The following ZNF157 variants were observed in gnomAD, a reference collection of about 807,000 sequenced individuals.
The protein encoded by ZNF157 is zinc finger protein 157, also known as zinc finger protein 22.
Under a neutral mutation model 9.4 loss-of-function variants are expected in ZNF157, and 8 were observed. The ratio of observed to expected loss-of-function variants is 0.85; its 90% CI spans 0.50 to 1.53. ZNF157 has a LOEUF of 1.53. Ranked by LOEUF, ZNF157 falls within the 40% of genes most tolerant of loss-of-function variation. The pLI is 0.00. For synonymous variants in ZNF157, 120 were observed against 130.8 expected (o/e 0.92, Z 0.56); for missense variants, 316 against 385.2 (o/e 0.82, Z 1.50).
At chrX:47,410,528 C>A in intron 2 of ZNF157, 126 bp downstream of exon 2, 1 of 995,204 alleles carries the variant, frequency 1.0e-6, no homozygotes, top group Non-Finnish European at 1.4e-6. Context: ...TTTAGGGCAC[C>A]AGAAAAAATG....
intron 1 of ZNF157, among the ~76,000 whole-genome samples, chrX:47,376,322 G>A (rs969970452): frequency 1.8e-5 from 2 of 112,232 alleles, no homozygotes; most frequent in Admixed American, 1.9e-4. Flanking sequence ...AACTTTATAA[G>A]AAACTGCCCA....
chrX:47,371,131 A>G (rs1313748842), intron 1 of ZNF157, among the ~76,000 whole-genome samples: 1 of 111,228 alleles, frequency 9.0e-6, no homozygotes, highest in Non-Finnish European at 1.9e-5. Flanking sequence ...TGCGGCCAGG[A>G]GTTTGAGACC....
At chrX:47,370,785 T>G (rs765423248) in intron 1 of ZNF157, 45 bp downstream of exon 1, 70 of 1,006,393 alleles carry the variant, frequency 7.0e-5, no homozygotes, top group Non-Finnish European at 8.0e-5. Context: ...CTTTATTTTT[T>G]TATTTATTTT....
intron 1 of ZNF157, among the ~76,000 whole-genome samples, chrX:47,378,557 C>T (rs1156715978): frequency 8.9e-6 from 1 of 112,193 alleles, no homozygotes; most frequent in African/African-American, 3.2e-5. Context: ...CCAAGTTCCT[C>T]TCACGCTGGG....
chrX:47,413,510 C>T lies in ZNF157; in HGVS notation c.1437C>T (p.Phe479=), dbSNP rs1246452548. Reference sequence around the variant, plus strand: ...AGTGTCAAGAATGTGGGAAAGCTTTCTGCCGGAAAGCACACCTCACAGAAC... The same window carrying T: ...AGTGTCAAGAATGTGGGAAAGCTTTTTGCCGGAAAGCACACCTCACAGAAC... ...PFECQECGKA[F]CRKAHLTEHQ... The change falls in exon 4 of 4, where the codon TTC becomes TTT. Residue 479 remains phenylalanine, a synonymous_variant. Transcript: ENST00000377073. The T allele has an allele frequency of 8.3e-7, 1 of 1,211,944 alleles. No homozygotes were observed. The highest frequency in any genetic ancestry group is 1.1e-6 in the Non-Finnish European group (1 of 895,572).
chrX:47,391,884 C>CT (rs1481409108), intron 1 of ZNF157, among the ~76,000 whole-genome samples: 79 of 92,849 alleles, frequency 8.5e-4, no homozygotes, highest in Non-Finnish European at 1.4e-3. Context: ...GATACTGAAC[C>CT]TGTATTGATT....
rs1283622452 is a variant in ZNF157 at position 47,412,615 on chromosome X, T to C, written c.542T>C (p.Leu181Pro). 2.5e-6 allele frequency: 3 copies of C among 1,211,994 alleles called. No individual in the cohort carries two copies. The highest frequency in any genetic ancestry group is 5.9e-5 in the East Asian group (2 of 33,862). ...YCRKSNLVEH[L>P]RIHTGERPYE... ...AGGAAGTCAAACCTTGTTGAACATCTGAGAATACACACAGGAGAGAGACCC... is the reference window on the plus strand; with the variant it reads ...AGGAAGTCAAACCTTGTTGAACATCCGAGAATACACACAGGAGAGAGACCC... Residue 181 changes from leucine to proline, a missense_variant, in exon 4 of 4, where the codon CTG (leucine) becomes CCG (proline). Leu to Pro is a moderately conservative substitution (Grantham distance 98). This residue lies in a region of ZNF157 where 146 missense variants were observed against 183.8 expected (regional missense o/e 0.79). Transcript: ENST00000377073.
chrX:47,410,591 C>T, intron 2 of ZNF157, 89 bp from the exon 3 acceptor site: 1 of 977,510 alleles, frequency 1.0e-6, no homozygotes, highest in Middle Eastern at 3.4e-4. Context: ...CTTCCTTGTG[C>T]AGCTCATGAA....
chrX:47,407,692 T>C (rs1180871614), intron 1 of ZNF157, among the ~76,000 whole-genome samples: 1 of 110,821 alleles, frequency 9.0e-6, no homozygotes, highest in East Asian at 2.8e-4. Flanking sequence ...TTTTCTTTTC[T>C]TTTTTTCTTT....
At chrX:47,410,954 A>G (rs1459830422) in intron 3 of ZNF157, among the ~76,000 whole-genome samples, 179 bp downstream of exon 3, 1 of 110,558 alleles carries the variant, frequency 9.0e-6, no homozygotes, top group Non-Finnish European at 1.9e-5. Flanking sequence ...ACATCTTAAT[A>G]TCACACTCAA....
chrX:47,399,852 G>T (rs1299663098), intron 1 of ZNF157, among the ~76,000 whole-genome samples: 11 of 110,636 alleles, frequency 9.9e-5, no homozygotes, highest in Non-Finnish European at 2.1e-4. Context: ...GTTAATTTTT[G>T]GAATTTTTGG....
chrX:47,380,620 T>C lies in ZNF157; in HGVS notation c.72+9880T>C, dbSNP rs370282783. On this transcript the variant is annotated intron_variant, in intron 1 of 3. Coordinates refer to ENST00000377073, the MANE Select transcript of ZNF157 (RefSeq NM_003446.4). ...CGTAGTGCACATGTCTTGAGCCCAC[T>C]GGCCCAACTCCTGAGATCTTATTGG... Among the ~76,000 whole-genome samples, 3 of 111,431 alleles carry C rather than the reference T, an allele frequency of 2.7e-5. No homozygotes were observed. The East Asian group carries it at 8.4e-4, about 31-fold the overall frequency.
chrX:47,389,022 G>T (rs2055888781), intron 1 of ZNF157, among the ~76,000 whole-genome samples: 1 of 109,152 alleles, frequency 9.2e-6, no homozygotes, highest in East Asian at 2.9e-4. Context: ...TGTTGGCTGG[G>T]CTGGTCTCGA....
intron 1 of ZNF157, among the ~76,000 whole-genome samples, chrX:47,379,735 T>C (rs1230598833): frequency 1.9e-5 from 2 of 104,655 alleles, no homozygotes; most frequent in Non-Finnish European, 2.0e-5. Flanking sequence ...TTTTTTTTTT[T>C]TTTTTTTTGC....
intron 1 of ZNF157, among the ~76,000 whole-genome samples, chrX:47,402,666 A>T (rs1322651139): frequency 9.4e-6 from 1 of 106,710 alleles, no homozygotes; most frequent in East Asian, 3.0e-4. Flanking sequence ...CAGCCTCCCG[A>T]GTAGCTGGGT....
At chrX:47,395,705 C>A (rs2055911131) in intron 1 of ZNF157, among the ~76,000 whole-genome samples, 1 of 112,096 alleles carries the variant, frequency 8.9e-6, no homozygotes, top group Non-Finnish European at 1.9e-5. Context: ...TGGCTCACGC[C>A]TGTAATCCCA....
At chrX:47,405,934 A>G (rs2055945669) in intron 1 of ZNF157, among the ~76,000 whole-genome samples, 1 of 110,149 alleles carries the variant, frequency 9.1e-6, no homozygotes, top group Non-Finnish European at 1.9e-5. Flanking sequence ...TGGTGACTTC[A>G]AAGATTTTGG....
At chrX:47,398,493 ATTTC>A (rs903030343) in intron 1 of ZNF157, among the ~76,000 whole-genome samples, 2 of 108,259 alleles carry the variant, frequency 1.8e-5, no homozygotes, top group Non-Finnish European at 3.8e-5. Context: ...TTCTTTTTTT[ATTTC>A]TTTTTCTTTT....
chrX:47,410,797 G>A, intron 3 of ZNF157, 22 bp downstream of exon 3: 1 of 1,148,052 alleles, frequency 8.7e-7, no homozygotes, highest in Non-Finnish European at 1.2e-6. Flanking sequence ...GCAAGAACTG[G>A]ACATATGGAA....
Sources: gnomAD v4.1 joint callset for allele counts (sites outside exome capture counted in the v4.1 genomes callset) on GRCh38, gnomAD v4.1.1 for gene constraint, gnomAD v4.1.1 regional missense constraint, MANE v1.5 for transcripts, NCBI Gene and HGNC (gene_info 2026-07-23, HGNC 2026-07-21) for gene names.